Variants in ITGB7 observed in about 807,000 individuals in gnomAD.
ITGB7 encodes the protein integrin beta-7.
A neutral mutation model predicts 83.4 loss-of-function variants in ITGB7; 55 were observed. That is an observed-to-expected ratio of 0.66 (90% CI 0.53 to 0.83). ITGB7 has a LOEUF of 0.83. Ranked by LOEUF, ITGB7 falls within the 40% of genes least tolerant of loss-of-function variation. ITGB7 has a pLI of 0.00. For synonymous variants in ITGB7, 454 were observed against 423.6 expected, an observed-to-expected ratio of 1.07 and a Z score of -0.88; for missense variants, 921 against 1,046.7, an observed-to-expected ratio of 0.88 and a Z score of 1.66.
chr12:53,201,465 A>G (rs1057201304), intron 1 of ITGB7, among the ~76,000 whole-genome samples: 2 of 152,168 alleles, frequency 1.3e-5, no homozygotes, highest in Non-Finnish European at 2.9e-5. Context: ...TACTTTCTGT[A>G]CTTTGCACAA....
chr12:53,195,628 G>GACAT lies in ITGB7; in HGVS notation c.1068_1069insATGT (p.Gln357MetfsTer6). 6.2e-7 allele frequency: 1 copy of GACAT among 1,612,836 alleles called. No homozygotes were observed. The highest frequency in any genetic ancestry group is 8.5e-7 in the Non-Finnish European group (1 of 1,178,836). On this transcript the variant is annotated frameshift_variant, in exon 8 of 16. Coordinates refer to ENST00000267082, the MANE Select transcript of ITGB7 (RefSeq NM_000889.3). LOFTEE classifies it high-confidence loss of function. ...TCTGACATGTAGACAGCTCTCACCTGGTAGACAGGCAGTGCGGCACTGGTG... is the reference window on the plus strand; with the variant it reads ...TCTGACATGTAGACAGCTCTCACCTGACATGTAGACAGGCAGTGCGGCACTGGTG...
intron 4 of ITGB7, 21 bp from the exon 5 acceptor site, chr12:53,197,684 G>C (rs1350933878): frequency 6.2e-7 from 1 of 1,610,912 alleles, no homozygotes; most frequent in Admixed American, 1.7e-5. Context: ...GGCGGCGGGC[G>C]GGTCAGCAGA....
In ITGB7 at chr12:53,193,268, G is replaced by A. The variant is rs1942033641; in HGVS notation, c.1598C>T (p.Thr533Ile). Residue 533 changes from threonine to isoleucine, a missense_variant, in exon 12 of 16, where the codon ACA becomes ATA. Coordinates refer to ENST00000267082, the MANE Select transcript of ITGB7 (RefSeq NM_000889.3). ...ACCCTTTCCACTGCACAGGGGCCCTGTGCCATTGGGAGCCCGGCACCCAGA... is the reference window on the plus strand; with the variant it reads ...ACCCTTTCCACTGCACAGGGGCCCTATGCCATTGGGAGCCCGGCACCCAGA... ...LESGCRAPNG[T>I]GPLCSGKGHC... 1 of 1,613,888 alleles carries A rather than the reference G, an allele frequency of 6.2e-7. No individual in the cohort carries two copies. The highest frequency in any genetic ancestry group is 2.2e-5 in the East Asian group (1 of 44,872).
Position 53,195,618 on chromosome 12 carries a change from G to A in ITGB7, c.1071+8C>T. On this transcript the variant is annotated splice_region_variant and intron_variant, in intron 8 of 15. Coordinates refer to ENST00000267082, the MANE Select transcript of ITGB7 (RefSeq NM_000889.3). Reference sequence around the variant, plus strand: ...GGCTGGGGGATCTGACATGTAGACAGCTCTCACCTGGTAGACAGGCAGTGC... The same window carrying A: ...GGCTGGGGGATCTGACATGTAGACAACTCTCACCTGGTAGACAGGCAGTGC... The A allele has an allele frequency of 2.5e-6, 4 of 1,609,720 alleles. No homozygotes were observed. The highest frequency in any genetic ancestry group is 1.1e-5 in the South Asian group (1 of 91,008).
rs766630865 is a variant in ITGB7 at position 53,197,669 on chromosome 12, G to T, written c.404-6C>A. 1.2e-6 allele frequency: 2 copies of T among 1,613,140 alleles called. No homozygotes were observed. The highest frequency in any genetic ancestry group is 1.7e-6 in the Non-Finnish European group (2 of 1,179,672). ...CTGGAGCTGCTGGGGCTCCCCTAGG[G>T]GGTGGGCGGCGGGCGGGTCAGCAGA... On this transcript the variant is annotated splice_polypyrimidine_tract_variant and splice_region_variant and intron_variant, in intron 4 of 15. Transcript: ENST00000267082.
intron 1 of ITGB7, among the ~76,000 whole-genome samples, chr12:53,201,559 T>TA (rs1456489602): frequency 6.6e-6 from 1 of 152,032 alleles, no homozygotes; most frequent in African/African-American, 2.4e-5. Flanking sequence ...TTCCTGATTT[T>TA]AAAAAAACAT....
At chr12:53,200,075 C>T (rs1160114596) in intron 3 of ITGB7, among the ~76,000 whole-genome samples, 168 bp downstream of exon 3, 1 of 152,238 alleles carries the variant, frequency 6.6e-6, no homozygotes, top group Non-Finnish European at 1.5e-5. Flanking sequence ...CGTATATCCA[C>T]ACACAGGAGT....
chr12:53,197,331 G>T, intron 5 of ITGB7, 162 bp downstream of exon 5: 1 of 759,532 alleles, frequency 1.3e-6, no homozygotes, highest in East Asian at 2.6e-5. Context: ...CTAGAAGATG[G>T]GTGTCTAGGG....
intron 9 of ITGB7, chr12:53,195,150 G>A (rs1442626227): frequency 3.6e-6 from 2 of 563,002 alleles, no homozygotes; most frequent in Non-Finnish European, 6.4e-6. Flanking sequence ...TTCCTTTCTT[G>A]CCCAGAGCAG....
At chr12:53,198,007 G>A in intron 3 of ITGB7, 56 bp from the exon 4 acceptor site, 5 of 1,446,256 alleles carry the variant, frequency 3.5e-6, no homozygotes, top group South Asian at 2.5e-5. Flanking sequence ...CCTGGGCCCC[G>A]CTCCCAAAAA....
At position 53,195,707 on chromosome 12, in the gene ITGB7, C is replaced by T; in HGVS notation, c.990G>A (p.Val330=). 7 of 1,613,720 alleles carry T rather than the reference C, an allele frequency of 4.3e-6. No individual in the cohort carries two copies. Among genetic ancestry groups the T allele is most frequent in the Non-Finnish European group, 5.9e-6 (7 of 1,179,674 alleles). ...CAGAGAGGGCCTGGGCTACCTGACC[C>T]ACAGAAGGGTAGTCCTGGGACAGGG... ...SRSTEFDYPS[V]GQVAQALSAA... The change falls in exon 8 of 16, where the codon GTG becomes GTA. Residue 330 remains valine, a synonymous_variant. Coordinates refer to ENST00000267082, the MANE Select transcript of ITGB7 (RefSeq NM_000889.3).
intron 1 of ITGB7, among the ~76,000 whole-genome samples, chr12:53,201,565 A>C (rs998723369): frequency 6.6e-6 from 1 of 152,236 alleles, no homozygotes; most frequent in African/African-American, 2.4e-5. Flanking sequence ...ATTTTAAAAA[A>C]ACATATTAAT....
At chr12:53,202,013 T>C (rs748408202) in intron 1 of ITGB7, among the ~76,000 whole-genome samples, 9 of 152,208 alleles carry the variant, frequency 5.9e-5, no homozygotes, top group Non-Finnish European at 1.2e-4. Flanking sequence ...CTGTGGCCAA[T>C]TGATTTCCAA....
At position 53,193,291 on chromosome 12, in the gene ITGB7, A is replaced by G; in HGVS notation, c.1575T>C (p.Ser525=). The G allele has an allele frequency of 6.2e-7, 1 of 1,613,100 alleles. No individual in the cohort carries two copies. Among genetic ancestry groups the G allele is most frequent in the Non-Finnish European group, 8.5e-7 (1 of 1,179,224 alleles). The change falls in exon 12 of 16, where the codon TCT becomes TCC. Residue 525 remains serine (S), a synonymous_variant. Transcript: ENST00000267082. ...CTGTGCCATTGGGAGCCCGGCACCC[A>G]GATTCCAGGTCTGGGGAGGACAGCT... The part of the protein sequence containing the change: ...VAELSSPDLE[S]GCRAPNGTGP...
In ITGB7 at chr12:53,192,028, A is replaced by C. The variant is rs995557067; in HGVS notation, c.2156-9T>G. 2 of 1,609,594 alleles carry C rather than the reference A, an allele frequency of 1.2e-6. No individual in the cohort carries two copies. The highest frequency in any genetic ancestry group is 2.7e-5 in the African/African-American group (2 of 74,768). ...CGTGTGGTCTGCTCCCTCTGTGAAC[A>C]AGAAACCAGACACACTTGTGGGAGC... On this transcript the variant is annotated splice_polypyrimidine_tract_variant and intron_variant, in intron 14 of 15. Coordinates refer to ENST00000267082, the MANE Select transcript of ITGB7 (RefSeq NM_000889.3).
intron 1 of ITGB7, among the ~76,000 whole-genome samples, chr12:53,205,748 C>T (rs1375389345): frequency 6.6e-6 from 1 of 152,206 alleles, no homozygotes; most frequent in Non-Finnish European, 1.5e-5. Flanking sequence ...TTTGCATCTT[C>T]TTCAGCCTGG....
In ITGB7 at chr12:53,191,984, A is replaced by C; in HGVS notation, c.2191T>G (p.Cys731Gly). The change falls in exon 15 of 16, where the codon TGC (cysteine) becomes GGC (glycine). Residue 731 changes from cysteine to glycine, a missense_variant. Cys to Gly is a radical substitution (Grantham distance 159). Coordinates refer to ENST00000267082, the MANE Select transcript of ITGB7 (RefSeq NM_000889.3). The part of the protein sequence containing the change: ...ADHTQAIVLG[C>G]VGGIVAVGLG... ...CCCACTGCCACGATGCCCCCTACGC[A>C]GCCCAGCACAATGGCCTGCGTGTGG... The C allele has an allele frequency of 1.2e-5, 20 of 1,612,680 alleles. No individual in the cohort carries two copies. The highest frequency in any genetic ancestry group is 2.2e-5 in the East Asian group (1 of 44,850).
At chr12:53,194,618 TAC>T (rs1394936845) in intron 9 of ITGB7, 2 of 377,590 alleles carry the variant, frequency 5.3e-6, no homozygotes, top group Non-Finnish European at 9.9e-6. Context: ...GCTGTAAATG[TAC>T]AGAGACCATG....
intron 3 of ITGB7, among the ~76,000 whole-genome samples, chr12:53,198,949 C>G (rs547171403): frequency 6.6e-6 from 1 of 152,346 alleles, no homozygotes; most frequent in African/African-American, 2.4e-5. Context: ...AGAAGCCAGA[C>G]ACAGACCTGA....
Sources: allele counts gnomAD v4.1 joint callset (sites outside exome capture counted in the v4.1 genomes callset), GRCh38; gene constraint gnomAD v4.1.1; transcripts MANE v1.5; gene names NCBI Gene and HGNC (gene_info 2026-07-23, HGNC 2026-07-21).